RAB39A: variants seen among roughly 807,000 people sequenced by gnomAD.
RAB39A encodes RAB39A, member RAS oncogene family.
In RAB39A, 17 loss-of-function variants were observed where a neutral mutation model predicts 20.9. The observed-to-expected ratio is 0.81, with a 90% CI of 0.56 to 1.22. RAB39A has a LOEUF of 1.22. Among genes scored for constraint, RAB39A ranks in the 50% most tolerant of loss-of-function variants. The pLI is 0.00. For missense variants in RAB39A, 234 were observed against 270.5 expected, an observed-to-expected ratio of 0.87 and a Z score of 0.95; for synonymous variants, 99 against 103.4, an observed-to-expected ratio of 0.96 and a Z score of 0.26.
intron 1 of RAB39A, among the ~76,000 whole-genome samples, chr11:107,957,712 T>C (rs1413509936): frequency 6.6e-6 from 1 of 152,164 alleles, no homozygotes; most frequent in Non-Finnish European, 1.5e-5. Flanking sequence ...TGTATCTGCT[T>C]TATCATTCTT....
intron 1 of RAB39A, among the ~76,000 whole-genome samples, chr11:107,932,294 A>G (rs972654896): frequency 3.9e-5 from 6 of 152,246 alleles, no homozygotes; most frequent in African/African-American, 1.4e-4. Flanking sequence ...GTAGATTTGT[A>G]TATTAAAGAA....
chr11:107,933,154 G>A (rs1861154361), intron 1 of RAB39A, among the ~76,000 whole-genome samples: 1 of 151,950 alleles, frequency 6.6e-6, no homozygotes, highest in African/African-American at 2.4e-5. Context: ...TAAATACATA[G>A]CAATGTTAGC....
intron 1 of RAB39A, 59 bp from the exon 2 acceptor site, chr11:107,961,887 G>C (rs1861499264): frequency 1.5e-6 from 2 of 1,304,098 alleles, no homozygotes; most frequent in South Asian, 2.8e-5. Flanking sequence ...TAGATTGTTG[G>C]AAGGAGAAGA....
intron 1 of RAB39A, among the ~76,000 whole-genome samples, chr11:107,960,984 G>A (rs1861490659): frequency 6.6e-6 from 1 of 152,172 alleles, no homozygotes; most frequent in African/African-American, 2.4e-5. Context: ...GCCTAGAGAA[G>A]GATGGAGACT....
In RAB39A at chr11:107,934,917, G is replaced by T. The variant is rs1192578596; in HGVS notation, c.227+6122G>T. 2.3e-5 allele frequency among the ~76,000 whole-genome samples: 3 copies of T among 131,038 alleles called. No homozygotes were observed. In the South Asian group the frequency reaches 8.0e-4, roughly 35 times the overall value. 86.0% of individuals were successfully genotyped at this position (131,038 alleles called of 152,430 possible). Reference sequence around the variant, plus strand: ...TCACTCCAGCCTGGGGGACAAGAGCGAGACTTCGTCTCAAAAAAAAAAAAA... The same window carrying T: ...TCACTCCAGCCTGGGGGACAAGAGCTAGACTTCGTCTCAAAAAAAAAAAAA... On this transcript the variant is annotated intron_variant, in intron 1 of 1. Coordinates refer to ENST00000320578, the MANE Select transcript of RAB39A (RefSeq NM_017516.3).
In RAB39A at chr11:107,928,875, C is replaced by G. The variant is rs543123333; in HGVS notation, c.227+80C>G. ...CCCCTTCCCCAGGCGTCCGCCCCGCCGGCCCTGGTCGGGAGAGGCTCTGGC... is the reference window on the plus strand; with the variant it reads ...CCCCTTCCCCAGGCGTCCGCCCCGCGGGCCCTGGTCGGGAGAGGCTCTGGC... On this transcript the variant is annotated intron_variant, in intron 1 of 1. Transcript: ENST00000320578. This position sits in a 1 kb window ranked among gnomAD's most constrained non-coding sequence, Gnocchi z 4.9. 560 of 1,206,564 alleles carry G rather than the reference C, an allele frequency of 4.6e-4. 2 individuals are homozygous for G. Among genetic ancestry groups the G allele is most frequent in the Non-Finnish European group, 6.1e-4 (540 of 880,366 alleles). The allele number at this position is 1,206,564 out of a possible 1,614,324, so 74.7% of individuals were successfully genotyped here.
rs188628703 is a variant in RAB39A at position 107,932,177 on chromosome 11, A to G, written c.227+3382A>G. ...TGCGCCAGGCCAGCCTTAGTTTTCAATGTTCAGACTAACATGCTAATAGAG... is the reference window on the plus strand; with the variant it reads ...TGCGCCAGGCCAGCCTTAGTTTTCAGTGTTCAGACTAACATGCTAATAGAG... On this transcript the variant is annotated intron_variant, in intron 1 of 1. Coordinates refer to ENST00000320578, the MANE Select transcript of RAB39A (RefSeq NM_017516.3). Among the ~76,000 whole-genome samples, 11 of 152,250 alleles carry G rather than the reference A, an allele frequency of 7.2e-5. No homozygotes were observed. In the East Asian group the frequency reaches 9.6e-4, roughly 13 times the overall value.
At chr11:107,959,475 G>A (rs1861473406) in intron 1 of RAB39A, among the ~76,000 whole-genome samples, 2 of 152,184 alleles carry the variant, frequency 1.3e-5, no homozygotes, top group African/African-American at 4.8e-5. Flanking sequence ...GATGGTGGGA[G>A]ATTTTTCTTA....
chr11:107,936,049 G>A (rs1861191276), intron 1 of RAB39A, among the ~76,000 whole-genome samples: 1 of 151,808 alleles, frequency 6.6e-6, no homozygotes, highest in African/African-American at 2.4e-5. Context: ...ACAGGTGTGT[G>A]CCACCATACT....
intron 1 of RAB39A, among the ~76,000 whole-genome samples, chr11:107,961,698 CAT>C (rs1861497243): frequency 6.6e-6 from 1 of 152,200 alleles, no homozygotes; most frequent in African/African-American, 2.4e-5. Context: ...TATGAGATGA[CAT>C]AGCATGTAAG....
intron 1 of RAB39A, among the ~76,000 whole-genome samples, chr11:107,958,351 CA>C (rs1861459530): frequency 6.6e-6 from 1 of 152,202 alleles, no homozygotes; most frequent in South Asian, 2.1e-4. Context: ...CCTACCTTCT[CA>C]TAATTCCTTC....
At chr11:107,946,969 C>T (rs983104287) in intron 1 of RAB39A, among the ~76,000 whole-genome samples, 4 of 151,652 alleles carry the variant, frequency 2.6e-5, no homozygotes, top group African/African-American at 4.8e-5. Context: ...ACCCAGGAGG[C>T]GGAGGTTGCT....
chr11:107,960,625 T>C (rs1861486878), intron 1 of RAB39A, among the ~76,000 whole-genome samples: 1 of 152,132 alleles, frequency 6.6e-6, no homozygotes, highest in Non-Finnish European at 1.5e-5. Flanking sequence ...TTTCCAGAGA[T>C]ACAATCAGCA....
At chr11:107,949,970 A>G (rs940314365) in intron 1 of RAB39A, among the ~76,000 whole-genome samples, 1 of 151,906 alleles carries the variant, frequency 6.6e-6, no homozygotes, top group Admixed American at 6.6e-5. Context: ...GAGGAGATCG[A>G]GACCATCCTG....
chr11:107,957,640 C>T (rs568606896), intron 1 of RAB39A, among the ~76,000 whole-genome samples: 1 of 152,298 alleles, frequency 6.6e-6, no homozygotes, highest in South Asian at 2.1e-4. Context: ...AACCCCGAAC[C>T]CTCTCCTCCA....
chr11:107,934,924 C>T (rs772486413), intron 1 of RAB39A, among the ~76,000 whole-genome samples: 48 of 90,200 alleles, frequency 5.3e-4, no homozygotes, highest in Admixed American at 9.3e-4. Flanking sequence ...AGCGAGACTT[C>T]GTCTCAAAAA....
In RAB39A at chr11:107,962,092, T is replaced by C; in HGVS notation, c.374T>C (p.Val125Ala). 6.2e-7 allele frequency: 1 copy of C among 1,614,116 alleles called. No individual in the cohort carries two copies. The highest frequency in any genetic ancestry group is 2.2e-5 in the East Asian group (1 of 44,872). Residue 125 changes from valine to alanine, a missense_variant, in exon 2 of 2, where the codon GTG becomes GCG. Physicochemically the swap from Val to Ala is moderately conservative, Grantham distance 64. Coordinates refer to ENST00000320578, the MANE Select transcript of RAB39A (RefSeq NM_017516.3). ...CCATTTCGGATTGTATTTCTGCTAGTGGGACATAAATGTGATTTAGCTTCA... is the reference window on the plus strand; with the variant it reads ...CCATTTCGGATTGTATTTCTGCTAGCGGGACATAAATGTGATTTAGCTTCA... ...VQPFRIVFLLVGHKCDLASQR... is the reference protein window; with the variant it reads ...VQPFRIVFLLAGHKCDLASQR...
rs1198190120 is a variant in RAB39A, at chr11:107,954,139, G to A, written c.228-7807G>A. ...GTCCCCTCAATGATGGTCCCCCAGA[G>A]TAAGGTACAATATTCAGGATGTCGG... On this transcript the variant is annotated intron_variant, in intron 1 of 1. Coordinates refer to ENST00000320578, the MANE Select transcript of RAB39A (RefSeq NM_017516.3). 2.0e-5 allele frequency among the ~76,000 whole-genome samples: 3 copies of A among 152,164 alleles called. No individual in the cohort carries two copies. The East Asian group carries it at 5.8e-4, about 29-fold the overall frequency.
intron 1 of RAB39A, among the ~76,000 whole-genome samples, chr11:107,957,331 G>A (rs1861447429): frequency 6.6e-6 from 1 of 150,824 alleles, no homozygotes; most frequent in African/African-American, 2.5e-5. Flanking sequence ...AAAGGAGCAG[G>A]AGATTTTTTT....
Sources: gnomAD v4.1 joint callset for allele counts (sites outside exome capture counted in the v4.1 genomes callset) on GRCh38, gnomAD v4.1.1 for gene constraint, Gnocchi (gnomAD v3.1) non-coding constraint, MANE v1.5 for transcripts, NCBI Gene and HGNC (gene_info 2026-07-23, HGNC 2026-07-21) for gene names.